ABCA12: variants seen among roughly 807,000 people sequenced by gnomAD.
ABCA12 encodes glucosylceramide transporter ABCA12.
A neutral mutation model predicts 293.5 loss-of-function variants in ABCA12; 156 were observed. That is an observed-to-expected ratio of 0.53 (90% CI 0.47 to 0.61). ABCA12 has a LOEUF of 0.61. Ranked by LOEUF, ABCA12 falls within the 20% of genes least tolerant of loss-of-function variation. The pLI is 0.00. For synonymous variants in ABCA12, 1,063 were observed against 1,108.0 expected (o/e 0.96, Z 0.81); for missense variants, 2,797 against 3,090.2 (o/e 0.91, Z 2.25).
At position 215,055,319 on chromosome 2, in the gene ABCA12, G is replaced by A. The variant is rs182114270; in HGVS notation, c.318-655C>T. On this transcript the variant is annotated intron_variant, in intron 3 of 52. Transcript: ENST00000272895. ...TCCCTGTGCAACATGATCACACTAG[G>A]TTTTAGAAGAAGACATTGCTGGGCC... Among the ~76,000 whole-genome samples the A allele has an allele frequency of 1.1e-3, 169 of 152,120 alleles. 1 individual carries two copies. The highest frequency in any genetic ancestry group is 3.9e-3 in the African/African-American group (162 of 41,538).
At chr2:214,983,512 A>T in intron 29 of ABCA12, 135 bp downstream of exon 29, 1 of 833,936 alleles carries the variant, frequency 1.2e-6, no homozygotes, top group Non-Finnish European at 2.0e-6. Flanking sequence ...AATATTAAAT[A>T]AGTAGAAAAA....
Position 215,049,667 on chromosome 2 carries a change from A to G in ABCA12, c.652T>C (p.Leu218=), listed in dbSNP as rs1422431459. The change falls in exon 6 of 53, where the codon TTA becomes CTA. Residue 218 remains leucine, a synonymous_variant. Coordinates refer to ENST00000272895, the MANE Select transcript of ABCA12 (RefSeq NM_173076.3). The stretch of plus-strand genomic sequence containing the variant: ...TTTAGTTCTTGGAGAGAAGACTCTA[A>G]AAGGGTCATGTTAGAAAGGCAAAAT... ...NKFCLSNMTL[L]ESSLQELNKQ... 1 of 1,613,572 alleles carries G rather than the reference A, an allele frequency of 6.2e-7. No individual in the cohort carries two copies. Among genetic ancestry groups the G allele is most frequent in the Non-Finnish European group, 8.5e-7 (1 of 1,179,696 alleles).
Position 214,974,868 on chromosome 2 carries a change from C to T in ABCA12, c.5382-4G>A, listed in dbSNP as rs776864319. The T allele has an allele frequency of 2.5e-6, 4 of 1,612,628 alleles. No homozygotes were observed. In the African/African-American group the frequency reaches 5.3e-5, roughly 22 times the overall value. On this transcript the variant is annotated splice_polypyrimidine_tract_variant and splice_region_variant and intron_variant, in intron 34 of 52. Transcript: ENST00000272895. The stretch of plus-strand genomic sequence containing the variant: ...TTCCGTGCTCGGGTGATAATTACTG[C>T]AATATGAAAGGACAGAAACAAATTC...
chr2:215,062,689 T>TGCAAGGCAC (rs1002843531), intron 3 of ABCA12, among the ~76,000 whole-genome samples: 3 of 151,864 alleles, frequency 2.0e-5, no homozygotes, highest in Non-Finnish European at 2.9e-5. Context: ...TTTCTCGGCA[T>TGCAAGGCAC]GCAACACTCT....
chr2:215,048,013 T>C (rs964328128), intron 6 of ABCA12, among the ~76,000 whole-genome samples: 1 of 148,332 alleles, frequency 6.7e-6, no homozygotes, highest in Non-Finnish European at 1.5e-5. Context: ...GCAAAGGACA[T>C]GAACAGATGC....
chr2:215,019,865 T>C, intron 11 of ABCA12, 69 bp from the exon 12 acceptor site: 1 of 1,555,774 alleles, frequency 6.4e-7, no homozygotes, highest in East Asian at 2.2e-5. Flanking sequence ...TAGTTGATAA[T>C]AAGCAACCAC....
chr2:215,080,564 A>G (rs1189388672), intron 2 of ABCA12, among the ~76,000 whole-genome samples: 1 of 152,198 alleles, frequency 6.6e-6, no homozygotes, highest in Non-Finnish European at 1.5e-5. Context: ...TAGAACTAAG[A>G]CACATTCTTA....
chr2:214,955,976 T>C (rs1048622271), intron 42 of ABCA12, among the ~76,000 whole-genome samples: 3 of 152,148 alleles, frequency 2.0e-5, no homozygotes, highest in Non-Finnish European at 4.4e-5. Flanking sequence ...TAATTTAAAG[T>C]TGAGGAAAAG....
intron 48 of ABCA12, 56 bp from the exon 49 acceptor site, chr2:214,945,160 C>G: frequency 1.4e-6 from 2 of 1,408,374 alleles, no homozygotes; most frequent in Non-Finnish European, 2.0e-6. Flanking sequence ...TGATGAAGTT[C>G]TTTTCATGAA....
intron 23 of ABCA12, among the ~76,000 whole-genome samples, chr2:214,992,333 C>T (rs1260050280): frequency 6.6e-6 from 1 of 151,216 alleles, no homozygotes; most frequent in Non-Finnish European, 1.5e-5. Flanking sequence ...GCCCCAGCTA[C>T]TCAGGAGGCT....
chr2:215,091,544 T>G (rs796218786), intron 2 of ABCA12, among the ~76,000 whole-genome samples: 1 of 148,758 alleles, frequency 6.7e-6, no homozygotes, highest in Non-Finnish European at 1.5e-5. Flanking sequence ...GACGCTTTAC[T>G]GCCCTAGACC....
At chr2:214,948,802 G>A (rs1376301987) in intron 46 of ABCA12, 65 bp from the exon 47 acceptor site, 30 of 1,590,174 alleles carry the variant, frequency 1.9e-5, no homozygotes, top group Non-Finnish European at 2.1e-5. Context: ...GTTCCCAAAT[G>A]CTGGGAAGGT....
At chr2:215,130,921 C>G (rs899954122) in intron 1 of ABCA12, among the ~76,000 whole-genome samples, 2 of 147,678 alleles carry the variant, frequency 1.4e-5, no homozygotes, top group African/African-American at 5.2e-5. Flanking sequence ...TTCATTTATG[C>G]CTAGTCTGCT....
intron 2 of ABCA12, among the ~76,000 whole-genome samples, chr2:215,110,597 C>T (rs1234097294): frequency 6.6e-6 from 1 of 152,216 alleles, no homozygotes; most frequent in East Asian, 1.9e-4. Context: ...TAAATGCTTT[C>T]CACTAACTGA....
At chr2:214,939,628 C>G (rs1208641387) in intron 50 of ABCA12, among the ~76,000 whole-genome samples, 1 of 152,120 alleles carries the variant, frequency 6.6e-6, no homozygotes, top group East Asian at 1.9e-4. Flanking sequence ...TTTGTGTCCT[C>G]TCTTATTTCC....
At chr2:214,993,264 G>A (rs1335767654) in intron 23 of ABCA12, among the ~76,000 whole-genome samples, 42 of 152,168 alleles carry the variant, frequency 2.8e-4, no homozygotes, top group Non-Finnish European at 4.4e-5. Context: ...TTGTAGTAAA[G>A]ACTCAACCTA....
chr2:214,989,542 G>C lies in ABCA12; in HGVS notation c.3694+10C>G. 1.9e-6 allele frequency: 3 copies of C among 1,614,040 alleles called. No individual in the cohort carries two copies. Among genetic ancestry groups the C allele is most frequent in the Non-Finnish European group, 2.5e-6 (3 of 1,179,974 alleles). On this transcript the variant is annotated intron_variant, in intron 25 of 52. Coordinates refer to ENST00000272895, the MANE Select transcript of ABCA12 (RefSeq NM_173076.3). Reference sequence around the variant, plus strand: ...AAGATAAAATCCAGTTTTAAAGAAAGGGGACCTACCAATGCCCTGTTCTTC... The same window carrying C: ...AAGATAAAATCCAGTTTTAAAGAAACGGGACCTACCAATGCCCTGTTCTTC...
At chr2:215,025,891 G>A in intron 10 of ABCA12, 112 bp from the exon 11 acceptor site, 1 of 720,994 alleles carries the variant, frequency 1.4e-6, no homozygotes, top group South Asian at 1.5e-5. Flanking sequence ...TAAGATAATA[G>A]CCTACCTCAA....
At chr2:214,990,584 G>T in intron 24 of ABCA12, 118 bp downstream of exon 24, 1 of 1,029,646 alleles carries the variant, frequency 9.7e-7, no homozygotes. Context: ...AGCTTACTTT[G>T]CTTTCACTGA....
Sources: gnomAD v4.1 joint callset for allele counts (sites outside exome capture counted in the v4.1 genomes callset) on GRCh38, gnomAD v4.1.1 for gene constraint, MANE v1.5 for transcripts, NCBI Gene and HGNC (gene_info 2026-07-23, HGNC 2026-07-21) for gene names.